The following PLXNC1 variants were observed in gnomAD, a reference collection of about 807,000 sequenced individuals.
The protein encoded by PLXNC1 is plexin C1.
PLXNC1 carries 75 observed loss-of-function variants against 178.2 expected under a neutral mutation model. The observed-to-expected ratio is 0.42, with a 90% CI of 0.35 to 0.51. The LOEUF is 0.51. Ranked by LOEUF, PLXNC1 falls within the 20% of genes least tolerant of loss-of-function variation. PLXNC1 has a pLI of 0.02. For synonymous variants in PLXNC1, 790 were observed against 779.9 expected (o/e 1.01, Z -0.22); for missense variants, 1,503 against 1,984.4 (o/e 0.76, Z 4.61).
rs538897357 is a variant in PLXNC1 at position 94,175,258 on chromosome 12, A to G, written c.1203+5965A>G. 1.5e-3 allele frequency among the ~76,000 whole-genome samples: 227 copies of G among 152,270 alleles called. 1 individual carries two copies. The highest frequency in any genetic ancestry group is 5.2e-3 in the African/African-American group (217 of 41,568). On this transcript the variant is annotated intron_variant, in intron 2 of 30. Coordinates refer to ENST00000258526, the MANE Select transcript of PLXNC1 (RefSeq NM_005761.3). ...TGCTTATGGAAAAAAATAATAATAA[A>G]TGAAAGGGTTGGCTTGTTTGCCCTT...
At chr12:94,262,979 G>T (rs2136084105) in intron 20 of PLXNC1, among the ~76,000 whole-genome samples, 1 of 152,260 alleles carries the variant, frequency 6.6e-6, no homozygotes, top group South Asian at 2.1e-4. Flanking sequence ...GCTACTGTGG[G>T]ACAGCACCAG....
At chr12:94,294,910 C>T (rs745604346) in intron 24 of PLXNC1, among the ~76,000 whole-genome samples, 5 of 152,110 alleles carry the variant, frequency 3.3e-5, no homozygotes, top group South Asian at 2.1e-4. Flanking sequence ...CACAGAGCCC[C>T]GAAGCAAGCG....
chr12:94,306,743 TTTTTGCTTCTGTA>T lies in PLXNC1; in HGVS notation c.*1461_*1473del. 1 of 152,176 alleles carries T rather than the reference TTTTTGCTTCTGTA, an allele frequency of 6.6e-6. No homozygotes were observed. Among genetic ancestry groups the T allele is most frequent in the South Asian group, 2.1e-4 (1 of 4,828 alleles). 9.4% of individuals were successfully genotyped at this position (152,176 alleles called of 1,614,324 possible). ...ATGAATTTGTCTTAAAGGCAATTCC[TTTTTGCTTCTGTA>T]TTATCTGGAAAAGCATGAGAGAGGT... On this transcript the variant is annotated 3_prime_UTR_variant, in exon 31 of 31. Coordinates refer to ENST00000258526, the MANE Select transcript of PLXNC1 (RefSeq NM_005761.3).
chr12:94,149,409 C>T lies in PLXNC1; in HGVS notation c.438C>T (p.Ser146=), dbSNP rs1454689271. 1.3e-5 allele frequency: 19 copies of T among 1,436,330 alleles called. No homozygotes were observed. Among genetic ancestry groups the T allele is most frequent in the East Asian group, 2.7e-5 (1 of 36,512 alleles). 89.0% of individuals were successfully genotyped at this position (1,436,330 alleles called of 1,614,324 possible). A position where few individuals can be genotyped will look rare whatever the true frequency, so the allele number is the denominator to read the frequency against. ...CCCTGGGCAACCTGAGCCGCAACTC[C>T]CTGCGCAACGGCACCGAGGTGGTGT... ...VRPLGNLSRN[S]LRNGTEVVSC... is the part of the protein sequence containing the mutation. The change falls in exon 1 of 31, where the codon TCC becomes TCT. Residue 146 remains serine, a synonymous_variant. Coordinates refer to ENST00000258526, the MANE Select transcript of PLXNC1 (RefSeq NM_005761.3).
intron 12 of PLXNC1, among the ~76,000 whole-genome samples, 166 bp from the exon 13 acceptor site, chr12:94,247,736 TG>T (rs1394560939): frequency 1.3e-5 from 2 of 149,938 alleles, no homozygotes; most frequent in African/African-American, 4.8e-5. Context: ...TTTAATGTAA[TG>T]TAGGGTGAAG....
At chr12:94,166,443 C>T (rs1334648114) in intron 1 of PLXNC1, among the ~76,000 whole-genome samples, 2 of 152,150 alleles carry the variant, frequency 1.3e-5, no homozygotes, top group East Asian at 3.9e-4. Flanking sequence ...CTGGCTGGCT[C>T]TCTATGCTAT....
chr12:94,149,199 C>T lies in PLXNC1; in HGVS notation c.228C>T (p.Leu76=), dbSNP rs1486922933. Residue 76 remains leucine (L), a synonymous_variant, in exon 1 of 31, where the codon CTC becomes CTT. Coordinates refer to ENST00000258526, the MANE Select transcript of PLXNC1 (RefSeq NM_005761.3). ...TGGACTACAGCCTGGAGCACAGCCT[C>T]TCGCGCCTGTACCGGGACCAAGCGG... ...DQLDYSLEHS[L]SRLYRDQAGN... is the part of the protein sequence containing the mutation. The T allele has an allele frequency of 1.3e-6, 2 of 1,588,098 alleles. No individual in the cohort carries two copies. Among genetic ancestry groups the T allele is most frequent in the Non-Finnish European group, 8.5e-7 (1 of 1,171,492 alleles).
At chr12:94,202,778 GAGAT>G (rs929282098) in intron 4 of PLXNC1, among the ~76,000 whole-genome samples, 2 of 152,176 alleles carry the variant, frequency 1.3e-5, no homozygotes, top group Non-Finnish European at 2.9e-5. Flanking sequence ...GCAGTCTAGA[GAGAT>G]AGACTCATCA....
Position 94,284,607 on chromosome 12 carries a change from CTAT to C in PLXNC1, c.3879+2212_3879+2214del. Among the ~76,000 whole-genome samples, 5 of 152,168 alleles carry C rather than the reference CTAT, an allele frequency of 3.3e-5. 2 individuals carry two copies. The highest frequency in any genetic ancestry group is 1.2e-4 in the African/African-American group (5 of 41,512). On this transcript the variant is annotated intron_variant, in intron 23 of 30. Coordinates refer to ENST00000258526, the MANE Select transcript of PLXNC1 (RefSeq NM_005761.3). ...CTATAGCAGTCCTACGAGATAGGTA[CTAT>C]TATTAACCCCACTTTATAGATGGGT...
chr12:94,158,954 G>A (rs929372818), intron 1 of PLXNC1, among the ~76,000 whole-genome samples: 2 of 152,190 alleles, frequency 1.3e-5, no homozygotes, highest in African/African-American at 4.8e-5. Flanking sequence ...GGCTAAGGTT[G>A]ATGGAGTAAA....
In PLXNC1 at chr12:94,149,121, G is replaced by A. The variant is rs747391353; in HGVS notation, c.150G>A (p.Ala50=). Residue 50 remains alanine (A), a synonymous_variant, in exon 1 of 31, where the codon GCG becomes GCA. Transcript: ENST00000258526. ...CGGAGCAAGCCATCGGAGCCATCGC[G>A]GCGAGCCAGGAGGACGGCGTGTTTG... ...WRSEQAIGAI[A]ASQEDGVFVA... 3 of 1,587,490 alleles carry A rather than the reference G, an allele frequency of 1.9e-6. No individual in the cohort carries two copies. In the African/African-American group the frequency reaches 4.2e-5, roughly 22 times the overall value.
chr12:94,180,036 G>A (rs1405699427), intron 2 of PLXNC1, among the ~76,000 whole-genome samples: 1 of 152,102 alleles, frequency 6.6e-6, no homozygotes, highest in Non-Finnish European at 1.5e-5. Context: ...TATAGGATTC[G>A]AGTCTCCCGA....
intron 6 of PLXNC1, among the ~76,000 whole-genome samples, chr12:94,223,465 G>A (rs1376069575): frequency 2.0e-5 from 3 of 152,150 alleles, no homozygotes; most frequent in Non-Finnish European, 4.4e-5. Context: ...TCCACCCCAG[G>A]CTTGCTAAAT....
intron 4 of PLXNC1, among the ~76,000 whole-genome samples, chr12:94,189,237 G>A (rs906695143): frequency 2.0e-5 from 3 of 152,166 alleles, no homozygotes; most frequent in African/African-American, 7.2e-5. Flanking sequence ...GGAGCTGAGG[G>A]AGCATGTAAG....
chr12:94,236,376 G>A (rs564065406), intron 9 of PLXNC1, among the ~76,000 whole-genome samples: 1 of 152,308 alleles, frequency 6.6e-6, no homozygotes, highest in South Asian at 2.1e-4. Context: ...GAGCAGGATG[G>A]GCAGCCCCTG....
At chr12:94,200,914 G>C (rs1045143185) in intron 4 of PLXNC1, among the ~76,000 whole-genome samples, 2 of 152,222 alleles carry the variant, frequency 1.3e-5, no homozygotes, top group Non-Finnish European at 2.9e-5. Context: ...CACCACGCCA[G>C]TGAACAGGCC....
chr12:94,286,329 A>G (rs934507400), intron 23 of PLXNC1, among the ~76,000 whole-genome samples: 14 of 152,170 alleles, frequency 9.2e-5, no homozygotes, highest in African/African-American at 3.4e-4. Flanking sequence ...CATGTTCTCT[A>G]TGCCTGGACC....
intron 1 of PLXNC1, among the ~76,000 whole-genome samples, chr12:94,165,556 C>T (rs541888977): frequency 1.2e-4 from 19 of 152,298 alleles, no homozygotes; most frequent in South Asian, 6.2e-4. Context: ...ACGTCCTGGT[C>T]CCTGCAGCTG....
chr12:94,242,735 T>C (rs73366659), intron 11 of PLXNC1, among the ~76,000 whole-genome samples: 1,746 of 152,310 alleles, frequency 0.011, 34 homozygotes, highest in African/African-American at 0.04. Flanking sequence ...GAGACATTGA[T>C]GTGGCATGCC....
Sources: allele counts gnomAD v4.1 joint callset (sites outside exome capture counted in the v4.1 genomes callset), GRCh38; gene constraint gnomAD v4.1.1; transcripts MANE v1.5; gene names NCBI Gene and HGNC (gene_info 2026-07-23, HGNC 2026-07-21).